The following LNPEP variants were observed in gnomAD, a reference collection of about 807,000 sequenced individuals.
The protein encoded by LNPEP is leucyl and cystinyl aminopeptidase.
Under a neutral mutation model 120.6 loss-of-function variants are expected in LNPEP, and 64 were observed. The ratio of observed to expected loss-of-function variants is 0.53; its 90% confidence interval spans 0.43 to 0.65. The LOEUF is 0.65. Ranked by LOEUF, LNPEP falls within the 30% of genes least tolerant of loss-of-function variation. The pLI is 0.00. For synonymous variants in LNPEP, 435 were observed against 425.4 expected, an observed-to-expected ratio of 1.02 and a Z score of -0.28; for missense variants, 1,057 against 1,200.0, an observed-to-expected ratio of 0.88 and a Z score of 1.76.
chr5:96,985,242 A>C (rs760951093), intron 3 of LNPEP, 24 bp downstream of exon 3: 8 of 1,578,772 alleles, frequency 5.1e-6, no homozygotes, highest in Non-Finnish European at 5.2e-6. Flanking sequence ...CCTTGAATGT[A>C]AAAATCTTTG....
intron 1 of LNPEP, among the ~76,000 whole-genome samples, chr5:96,966,122 T>C (rs1486034472): frequency 6.6e-6 from 1 of 152,082 alleles, no homozygotes; most frequent in East Asian, 1.9e-4. Flanking sequence ...TTTAGCACTG[T>C]AATGTTGATT....
chr5:97,013,859 T>C (rs756225287), intron 12 of LNPEP, 28 bp downstream of exon 12: 3 of 1,518,874 alleles, frequency 2.0e-6, no homozygotes, highest in African/African-American at 2.8e-5. Flanking sequence ...TGAGATTTTT[T>C]CTTTTTTTAA....
chr5:96,985,854 C>G (rs958567539), intron 3 of LNPEP, among the ~76,000 whole-genome samples: 1 of 151,436 alleles, frequency 6.6e-6, no homozygotes, highest in Non-Finnish European at 1.5e-5. Flanking sequence ...AGCAGCCATA[C>G]CCAGCAGGCT....
intron 9 of LNPEP, among the ~76,000 whole-genome samples, chr5:97,005,145 G>A (rs377413862): frequency 6.6e-6 from 1 of 152,134 alleles, no homozygotes; most frequent in East Asian, 1.9e-4. Flanking sequence ...ATTAAAATGG[G>A]AAGATTTGCT....
chr5:96,967,220 T>C (rs995778672), intron 1 of LNPEP, among the ~76,000 whole-genome samples: 1 of 152,128 alleles, frequency 6.6e-6, no homozygotes, highest in African/African-American at 2.4e-5. Context: ...TAAGTGTCTC[T>C]AAAGGCCATG....
At chr5:96,958,452 C>G in intron 1 of LNPEP, 2 of 985,360 alleles carry the variant, frequency 2.0e-6, no homozygotes, top group Non-Finnish European at 2.4e-6. Context: ...CTTGGGCAAG[C>G]TCCTAACTCC....
At position 96,985,108 on chromosome 5, in the gene LNPEP, C is replaced by G. The variant is rs1312187435; in HGVS notation, c.889C>G (p.Leu297Val). ...CTTTGCAGCAACTCAGTTTGAACCC[C>G]TGGCAGCAAGATCTGCTTTTCCTTG... ...KYFAATQFEPLAARSAFPCFD... is the reference protein window; with the variant it reads ...KYFAATQFEPVAARSAFPCFD... The change falls in exon 3 of 18, where the codon CTG becomes GTG. Residue 297 changes from leucine to valine, a missense_variant. Coordinates refer to ENST00000231368, the MANE Select transcript of LNPEP (RefSeq NM_005575.3). 5.6e-6 allele frequency: 9 copies of G among 1,613,892 alleles called. No homozygotes were observed. Among genetic ancestry groups the G allele is most frequent in the Non-Finnish European group, 7.6e-6 (9 of 1,179,920 alleles).
intron 1 of LNPEP, among the ~76,000 whole-genome samples, chr5:96,971,938 C>G (rs1242577773): frequency 6.6e-6 from 1 of 152,076 alleles, no homozygotes; most frequent in East Asian, 1.9e-4. Context: ...AAATACAATG[C>G]AATATCTGGA....
intron 1 of LNPEP, among the ~76,000 whole-genome samples, chr5:96,945,040 T>G (rs1379198009): frequency 6.6e-6 from 1 of 152,108 alleles, no homozygotes; most frequent in East Asian, 1.9e-4. Flanking sequence ...AGAGAATAGA[T>G]GGTTATTATC....
chr5:97,032,226 C>A lies in LNPEP; in HGVS notation c.*3693C>A, dbSNP rs910705694. 1.3e-5 allele frequency: 2 copies of A among 152,176 alleles called. No homozygotes were observed. The highest frequency in any genetic ancestry group is 4.8e-5 in the African/African-American group (2 of 41,454). 9.4% of individuals were successfully genotyped at this position (152,176 alleles called of 1,614,324 possible). A position where few individuals can be genotyped will look rare whatever the true frequency, so the allele number is the denominator to read the frequency against. ...TTTTGTATTTATTGGAATTAAATCT[C>A]TTTTTAAAGAGCTTCCTTCCCCCTT... On this transcript the variant is annotated 3_prime_UTR_variant, in exon 18 of 18. Coordinates refer to ENST00000231368, the MANE Select transcript of LNPEP (RefSeq NM_005575.3).
intron 15 of LNPEP, among the ~76,000 whole-genome samples, chr5:97,024,905 CA>C (rs1379594352): frequency 6.6e-6 from 1 of 152,174 alleles, no homozygotes; most frequent in Non-Finnish European, 1.5e-5. Flanking sequence ...TCAGGAGTCA[CA>C]GCCCCCTCCT....
In LNPEP at chr5:97,034,344, C is replaced by T. The variant is rs1048351919; in HGVS notation, c.*5811C>T. On this transcript the variant is annotated 3_prime_UTR_variant, in exon 18 of 18. Coordinates refer to ENST00000231368, the MANE Select transcript of LNPEP (RefSeq NM_005575.3). The stretch of plus-strand genomic sequence containing the variant: ...TGAAAAAATCTCCCCTTCTCCCCTT[C>T]CCTTATTGCCTGTCTTGGCAATGGC... The T allele has an allele frequency of 1.3e-5, 2 of 151,946 alleles. No homozygotes were observed. The highest frequency in any genetic ancestry group is 3.9e-4 in the East Asian group (2 of 5,178). The allele number at this position is 151,946 out of a possible 1,614,324, so 9.4% of individuals were successfully genotyped here.
intron 4 of LNPEP, among the ~76,000 whole-genome samples, chr5:96,989,317 A>G (rs1228723294): frequency 4.7e-4 from 11 of 23,496 alleles, no homozygotes; most frequent in African/African-American, 1.8e-3. Context: ...TGTATATTAT[A>G]TATAATATAT....
chr5:97,027,729 T>C lies in LNPEP; in HGVS notation c.2865-4T>C. On this transcript the variant is annotated splice_region_variant and splice_polypyrimidine_tract_variant and intron_variant, in intron 16 of 17. Transcript: ENST00000231368. ...TTTTTGCTCTTGTTTTTGTGTTTCT[T>C]CAGGTTCCCTCTGGGGTCCTATACC... The C allele has an allele frequency of 4.4e-6, 7 of 1,581,534 alleles. No homozygotes were observed. Among genetic ancestry groups the C allele is most frequent in the Non-Finnish European group, 6.1e-6 (7 of 1,150,860 alleles).
At position 96,986,569 on chromosome 5, in the gene LNPEP, G is replaced by C. The variant is rs1293869293; in HGVS notation, c.1030G>C (p.Val344Leu). The C allele has an allele frequency of 6.2e-7, 1 of 1,613,596 alleles. No individual in the cohort carries two copies. ...ATCAGTCGTTCTAGATGATGGACTT[G>C]TTCAGGATGAGTTTTCTGAGAGTGT... ...KSSVVLDDGL[V>L]QDEFSESVKM... is the part of the protein sequence containing the mutation. Residue 344 changes from valine (V) to leucine (L), a missense_variant, in exon 4 of 18, where the codon GTT becomes CTT. Coordinates refer to ENST00000231368, the MANE Select transcript of LNPEP (RefSeq NM_005575.3).
At chr5:96,946,134 T>G (rs1231440481) in intron 1 of LNPEP, among the ~76,000 whole-genome samples, 1 of 152,236 alleles carries the variant, frequency 6.6e-6, no homozygotes, top group East Asian at 1.9e-4. Flanking sequence ...CCCCCTCTTA[T>G]TAGTAGTTTC....
chr5:97,019,725 C>T (rs1359398495), intron 13 of LNPEP, among the ~76,000 whole-genome samples: 8 of 152,014 alleles, frequency 5.3e-5, no homozygotes, highest in Non-Finnish European at 2.9e-5. Flanking sequence ...TTGTTCTTCA[C>T]TGATTTTTTT....
At chr5:97,022,261 A>G in intron 13 of LNPEP, 39 bp from the exon 14 acceptor site, 1 of 1,249,230 alleles carries the variant, frequency 8.0e-7, no homozygotes, top group South Asian at 1.4e-5. Flanking sequence ...GATTGTCCTA[A>G]TTATTATGAA....
chr5:96,986,616 T>G lies in LNPEP; in HGVS notation c.1077T>G (p.Val359=). The change falls in exon 4 of 18, where the codon GTT becomes GTG. Residue 359 remains valine (V), a synonymous_variant. Transcript: ENST00000231368. ...GTGTGAAGATGAGCACTTACTTGGT[T>G]GCTTTCATTGTGGGAGAGATGAAGA... ...SESVKMSTYL[V]AFIVGEMKNL... 1 of 1,613,720 alleles carries G rather than the reference T, an allele frequency of 6.2e-7. No homozygotes were observed. Among genetic ancestry groups the G allele is most frequent in the Non-Finnish European group, 8.5e-7 (1 of 1,179,712 alleles).
Sources: allele counts gnomAD v4.1 joint callset (sites outside exome capture counted in the v4.1 genomes callset), GRCh38; gene constraint gnomAD v4.1.1; transcripts MANE v1.5; gene names NCBI Gene and HGNC (gene_info 2026-07-23, HGNC 2026-07-21).